Variants in ADGRL3 observed in about 807,000 individuals in gnomAD.
ADGRL3 encodes calcium-independent alpha-latrotoxin receptor 3.
Under a neutral mutation model 153.5 loss-of-function variants are expected in ADGRL3, and 62 were observed. The ratio of observed to expected loss-of-function variants is 0.40; its 90% CI spans 0.33 to 0.50. The LOEUF is 0.50. ADGRL3 is among the 20% of genes least tolerant of loss of function. The probability of loss-of-function intolerance (pLI) is 0.47; values close to 1 mark genes in which losing one functional copy is unlikely to be tolerated. For missense variants in ADGRL3, 1,641 were observed against 1,859.4 expected (o/e 0.88, Z 2.16); for synonymous variants, 710 against 672.5 (o/e 1.06, Z -0.86).
chr4:61,897,157 T>G (rs2149666980), intron 11 of ADGRL3, among the ~76,000 whole-genome samples: 1 of 152,266 alleles, frequency 6.6e-6, no homozygotes, highest in Admixed American at 6.5e-5. Context: ...TCCATCTGAT[T>G]TATGGACAGG....
intron 3 of ADGRL3, among the ~76,000 whole-genome samples, chr4:61,498,683 A>G (rs1270306545): frequency 6.6e-6 from 1 of 152,206 alleles, no homozygotes; most frequent in East Asian, 1.9e-4. Context: ...TCATTTAGAC[A>G]TCTTTGTATT....
At chr4:61,750,447 A>G (rs1188905807) in intron 8 of ADGRL3, among the ~76,000 whole-genome samples, 2 of 152,180 alleles carry the variant, frequency 1.3e-5, no homozygotes, top group Non-Finnish European at 2.9e-5. Flanking sequence ...AAAAGAATAC[A>G]GGTGCCACAA....
At chr4:61,391,591 G>C (rs990275047) in intron 2 of ADGRL3, among the ~76,000 whole-genome samples, 1 of 152,054 alleles carries the variant, frequency 6.6e-6, no homozygotes, top group African/African-American at 2.4e-5. Context: ...AAATACCCAA[G>C]TGTGGGATTG....
intron 2 of ADGRL3, among the ~76,000 whole-genome samples, chr4:61,390,090 T>C: frequency 6.6e-6 from 1 of 152,344 alleles, no homozygotes; most frequent in African/African-American, 2.4e-5. Context: ...CTTTTCTCAC[T>C]AAATCTGTTA....
Position 61,202,818 on chromosome 4 carries a change from C to T in ADGRL3, c.-240+1053C>T, listed in dbSNP as rs1735394028. 6.6e-6 allele frequency among the ~76,000 whole-genome samples: 1 copy of T among 152,114 alleles called. No individual in the cohort carries two copies. The highest frequency in any genetic ancestry group is 1.9e-4 in the East Asian group (1 of 5,176). On this transcript the variant is annotated intron_variant, in intron 1 of 26. Transcript: ENST00000683033. This position sits in a 1 kb window ranked among gnomAD's most constrained non-coding sequence, Gnocchi z 5.0. The stretch of plus-strand genomic sequence containing the variant: ...GACCTCCTCTACCAGCCTTACTTGG[C>T]GGCGGAGTCAGCGTTTGAGTGTGTG...
chr4:62,044,930 C>T (rs966026076), intron 25 of ADGRL3, among the ~76,000 whole-genome samples: 2 of 151,894 alleles, frequency 1.3e-5, no homozygotes, highest in Non-Finnish European at 2.9e-5. Context: ...ATAGTCTTTG[C>T]GGAAGTAAAA....
chr4:61,800,126 A>T (rs918980096), intron 8 of ADGRL3, among the ~76,000 whole-genome samples: 3 of 152,190 alleles, frequency 2.0e-5, no homozygotes, highest in Admixed American at 1.3e-4. Flanking sequence ...AGTGAAATTT[A>T]CTTGGCTCAG....
chr4:61,299,067 T>C (rs2094500678), intron 1 of ADGRL3, among the ~76,000 whole-genome samples: 2 of 152,170 alleles, frequency 1.3e-5, no homozygotes, highest in Non-Finnish European at 2.9e-5. Flanking sequence ...TTTAAATACA[T>C]AATGCATCTG....
At chr4:61,521,312 A>AG (rs2152920221) in intron 4 of ADGRL3, among the ~76,000 whole-genome samples, 1 of 152,290 alleles carries the variant, frequency 6.6e-6, no homozygotes, top group African/African-American at 2.4e-5. Flanking sequence ...GGCCTAGTTC[A>AG]GGATGATTGA....
intron 1 of ADGRL3, among the ~76,000 whole-genome samples, chr4:61,248,247 A>G (rs943943381): frequency 3.9e-5 from 6 of 152,050 alleles, no homozygotes; most frequent in African/African-American, 1.2e-4. Flanking sequence ...AAGCAGACCC[A>G]TGGTGAGTTA....
At chr4:61,228,632 T>G (rs1200453571) in intron 1 of ADGRL3, among the ~76,000 whole-genome samples, 1 of 152,224 alleles carries the variant, frequency 6.6e-6, no homozygotes, top group African/African-American at 2.4e-5. Flanking sequence ...AAGAGCTTCC[T>G]TAGTCCTTAA....
chr4:61,271,491 A>G (rs2093177114), intron 1 of ADGRL3, among the ~76,000 whole-genome samples: 1 of 151,974 alleles, frequency 6.6e-6, no homozygotes, highest in South Asian at 2.1e-4. Flanking sequence ...GTAGTTCTTT[A>G]TGAGATTGAT....
intron 4 of ADGRL3, among the ~76,000 whole-genome samples, chr4:61,576,847 TGGTCTAATCTCA>T (rs971433751): frequency 1.2e-4 from 18 of 151,978 alleles, no homozygotes; most frequent in African/African-American, 4.3e-4. Flanking sequence ...TTAGGTTTAT[TGGTCTAATCTCA>T]GGTGGATTAC....
chr4:61,608,728 A>T (rs2099042408), intron 5 of ADGRL3, among the ~76,000 whole-genome samples: 1 of 152,130 alleles, frequency 6.6e-6, no homozygotes, highest in Admixed American at 6.6e-5. Flanking sequence ...AGACACATGG[A>T]ATTTACTATA....
At chr4:61,420,200 C>A (rs2097187646) in intron 2 of ADGRL3, 1 of 152,072 alleles carries the variant, frequency 6.6e-6, no homozygotes, top group African/African-American at 2.4e-5. Flanking sequence ...CTATTGTCTT[C>A]ATTTGTTCTC....
At chr4:61,938,818 A>C (rs1157174559) in intron 15 of ADGRL3, among the ~76,000 whole-genome samples, 1 of 139,520 alleles carries the variant, frequency 7.2e-6, no homozygotes, top group African/African-American at 2.6e-5. Flanking sequence ...AAAAGTAGGG[A>C]ATTTCCCAAA....
chr4:61,536,792 G>T (rs899209977), intron 4 of ADGRL3, among the ~76,000 whole-genome samples: 4 of 151,982 alleles, frequency 2.6e-5, no homozygotes, highest in African/African-American at 9.7e-5. Flanking sequence ...ACATTAGGTA[G>T]GTCTCTTGTA....
chr4:61,290,426 T>C (rs1364899535), intron 1 of ADGRL3, among the ~76,000 whole-genome samples: 1 of 152,098 alleles, frequency 6.6e-6, no homozygotes, highest in Non-Finnish European at 1.5e-5. Flanking sequence ...TCTTTCTCAC[T>C]ATTTCTCTAT....
chr4:61,507,388 T>C (rs1180728946), intron 3 of ADGRL3, among the ~76,000 whole-genome samples: 1 of 152,142 alleles, frequency 6.6e-6, no homozygotes, highest in Non-Finnish European at 1.5e-5. Flanking sequence ...ATGTTGTCCC[T>C]CTGCAGACAG....
Sources: allele counts gnomAD v4.1 joint callset (sites outside exome capture counted in the v4.1 genomes callset), GRCh38; gene constraint gnomAD v4.1.1; non-coding constraint Gnocchi (gnomAD v3.1); transcripts MANE v1.5; gene names NCBI Gene and HGNC (gene_info 2026-07-23, HGNC 2026-07-21).